R3HDM1: variants seen among roughly 807,000 people sequenced by gnomAD.
The protein encoded by R3HDM1 is R3H domain containing 1.
R3HDM1 carries 46 observed loss-of-function variants against 141.1 expected under a neutral mutation model. That is an observed-to-expected ratio of 0.33 (90% confidence interval 0.26 to 0.42). The LOEUF is 0.42. Ranked by LOEUF, R3HDM1 falls within the 10% of genes least tolerant of loss-of-function variation. The pLI is 1.00. For synonymous variants in R3HDM1, 435 were observed against 472.9 expected (o/e 0.92, Z 1.04); for missense variants, 1,184 against 1,368.3 (o/e 0.87, Z 2.12).
chr2:135,606,644 T>G (rs2060082544), intron 3 of R3HDM1: 1 of 150,164 alleles, frequency 6.7e-6, no homozygotes, highest in African/African-American at 2.5e-5. Context: ...GCACCTATAG[T>G]CCCAGCTATC....
At chr2:135,641,837 G>A in intron 15 of R3HDM1, 47 bp downstream of exon 15, 1 of 1,512,118 alleles carries the variant, frequency 6.6e-7, no homozygotes, top group South Asian at 1.3e-5. Flanking sequence ...GAAAATTTAA[G>A]GATACTTATT....
chr2:135,707,797 C>T (rs1197420452), intron 21 of R3HDM1, among the ~76,000 whole-genome samples: 1 of 152,174 alleles, frequency 6.6e-6, no homozygotes, highest in African/African-American at 2.4e-5. Context: ...TTATATTACA[C>T]ATTACAACCA....
intron 1 of R3HDM1, among the ~76,000 whole-genome samples, chr2:135,560,232 A>G (rs1471337230): frequency 1.3e-5 from 2 of 152,260 alleles, no homozygotes; most frequent in African/African-American, 2.4e-5. Flanking sequence ...TGTGTAAACC[A>G]AAGAATTTAA....
intron 21 of R3HDM1, among the ~76,000 whole-genome samples, chr2:135,688,227 G>A (rs1406673916): frequency 6.6e-6 from 1 of 152,144 alleles, no homozygotes; most frequent in Non-Finnish European, 1.5e-5. Flanking sequence ...TCTGTCTTGT[G>A]TTACTAAGCA....
At chr2:135,696,710 C>T (rs955317328) in intron 21 of R3HDM1, among the ~76,000 whole-genome samples, 5 of 152,190 alleles carry the variant, frequency 3.3e-5, no homozygotes, top group Non-Finnish European at 7.4e-5. Context: ...CTGCTGGTGT[C>T]GAACTTTTGG....
At chr2:135,719,146 G>A (rs1346204185) in intron 24 of R3HDM1, among the ~76,000 whole-genome samples, 1 of 148,160 alleles carries the variant, frequency 6.7e-6, no homozygotes, top group Non-Finnish European at 1.5e-5. Context: ...AGACTCCATC[G>A]CTAAATAAAT....
At chr2:135,611,526 G>A (rs2060549747) in intron 3 of R3HDM1, among the ~76,000 whole-genome samples, 1 of 152,056 alleles carries the variant, frequency 6.6e-6, no homozygotes, top group Non-Finnish European at 1.5e-5. Flanking sequence ...AAAATTTGTG[G>A]CTTTATTGTC....
At chr2:135,606,405 G>A (rs1574286885) in intron 3 of R3HDM1, 1 of 152,078 alleles carries the variant, frequency 6.6e-6, no homozygotes, top group African/African-American at 2.4e-5. Flanking sequence ...AGAGGATGGG[G>A]AATTAGACCC....
chr2:135,554,389 T>A (rs1454496002), intron 1 of R3HDM1, among the ~76,000 whole-genome samples: 1 of 152,258 alleles, frequency 6.6e-6, no homozygotes, highest in South Asian at 2.1e-4. Context: ...TTTGAATGGA[T>A]ATATGACGTT....
intron 7 of R3HDM1, among the ~76,000 whole-genome samples, chr2:135,625,609 C>T (rs1459132337): frequency 2.0e-5 from 3 of 152,114 alleles, no homozygotes; most frequent in African/African-American, 7.2e-5. Context: ...CTAATGTTGA[C>T]TGATAGCTTC....
intron 24 of R3HDM1, among the ~76,000 whole-genome samples, chr2:135,716,621 A>G (rs1394337915): frequency 1.3e-5 from 2 of 152,232 alleles, no homozygotes; most frequent in African/African-American, 4.8e-5. Context: ...ATATTCATAC[A>G]AGGAATATTA....
intron 1 of R3HDM1, among the ~76,000 whole-genome samples, chr2:135,547,800 G>C (rs1189722607): frequency 2.4e-5 from 3 of 125,428 alleles, no homozygotes; most frequent in African/African-American, 9.8e-5. Context: ...TTGAGACAGA[G>C]TCTTGCTCTG....
chr2:135,675,474 G>A lies in R3HDM1; in HGVS notation c.2295G>A (p.Val765=). Residue 765 remains valine (V), a synonymous_variant, in exon 20 of 27, where the codon GTG becomes GTA. Coordinates refer to ENST00000683871, the MANE Select transcript of R3HDM1 (RefSeq NM_001378107.1). ...GAGTGGTCATCCCCTATACTTCAGT[G>A]CCAACATATCAGGTATATTGTCTCT... is the stretch of plus-strand genomic sequence containing the variant. ...IQGVVIPYTS[V]PTYQVSLPQG... 1.2e-6 allele frequency: 2 copies of A among 1,613,228 alleles called. No individual in the cohort carries two copies. The highest frequency in any genetic ancestry group is 2.2e-5 in the South Asian group (2 of 90,982).
At chr2:135,580,110 C>T (rs2105026022) in intron 1 of R3HDM1, among the ~76,000 whole-genome samples, 1 of 152,096 alleles carries the variant, frequency 6.6e-6, no homozygotes, top group Middle Eastern at 3.4e-3. Context: ...ACTAGCCGGG[C>T]ATGGTGGCAT....
intron 1 of R3HDM1, among the ~76,000 whole-genome samples, chr2:135,541,957 T>C (rs1035325204): frequency 2.0e-5 from 3 of 152,114 alleles, no homozygotes; most frequent in Admixed American, 6.5e-5. Context: ...CAGAAGTGTA[T>C]TGGATTTTTT....
At chr2:135,571,846 G>A (rs1704182457) in intron 1 of R3HDM1, among the ~76,000 whole-genome samples, 2 of 152,066 alleles carry the variant, frequency 1.3e-5, no homozygotes, top group South Asian at 2.1e-4. Context: ...GGCTAGTCTC[G>A]AACTCCTGGA....
chr2:135,694,075 T>C (rs936875216), intron 21 of R3HDM1, among the ~76,000 whole-genome samples: 1 of 152,244 alleles, frequency 6.6e-6, no homozygotes, highest in Non-Finnish European at 1.5e-5. Flanking sequence ...CTACCTACTT[T>C]TGAATTATTC....
intron 1 of R3HDM1, among the ~76,000 whole-genome samples, chr2:135,574,417 C>T (rs1052992613): frequency 1.5e-4 from 23 of 152,210 alleles, no homozygotes; most frequent in African/African-American, 5.3e-4. Context: ...ATCAGACCTT[C>T]AAAGACCAGA....
intron 1 of R3HDM1, chr2:135,581,119 C>A: frequency 1.1e-6 from 1 of 894,264 alleles, no homozygotes; most frequent in Non-Finnish European, 1.3e-6. Context: ...GCAGCAGAAC[C>A]ATTTTAAAGG....
Sources: allele counts gnomAD v4.1 joint callset (sites outside exome capture counted in the v4.1 genomes callset), GRCh38; gene constraint gnomAD v4.1.1; transcripts MANE v1.5; gene names NCBI Gene and HGNC (gene_info 2026-07-23, HGNC 2026-07-21).